The following SLCO1A2 variants were observed in gnomAD, a reference collection of about 807,000 sequenced individuals.
The protein encoded by SLCO1A2 is solute carrier organic anion transporter family member 1A2, also known as OATP-1.
SLCO1A2 carries 67 observed loss-of-function variants against 69.0 expected under a neutral mutation model. The ratio of observed to expected loss-of-function variants is 0.97; its 90% confidence interval spans 0.80 to 1.19. SLCO1A2 has a LOEUF of 1.19. Among genes scored for constraint, SLCO1A2 ranks in the 50% most tolerant of loss-of-function variants. The probability of loss-of-function intolerance (pLI) is 0.00; values close to 1 mark genes in which losing one functional copy is unlikely to be tolerated. For missense variants in SLCO1A2, 787 were observed against 793.7 expected (o/e 0.99, Z 0.10); for synonymous variants, 260 against 265.9 (o/e 0.98, Z 0.22).
At chr12:21,383,958 A>G (rs996976039) in intron 1 of SLCO1A2, among the ~76,000 whole-genome samples, 1 of 135,322 alleles carries the variant, frequency 7.4e-6, no homozygotes, top group Non-Finnish European at 1.6e-5. Flanking sequence ...TTTAATATAA[A>G]TTTATAATAC....
chr12:21,278,362 T>A (rs1211078114), intron 12 of SLCO1A2, among the ~76,000 whole-genome samples: 1 of 151,994 alleles, frequency 6.6e-6, no homozygotes, highest in African/African-American at 2.4e-5. Context: ...GGATTACCAC[T>A]GGATGATTGT....
chr12:21,393,524 GAC>G (rs1404461002), intron 1 of SLCO1A2, among the ~76,000 whole-genome samples: 2 of 152,132 alleles, frequency 1.3e-5, no homozygotes. Flanking sequence ...GCTGCTTAGA[GAC>G]CAGCCGGATT....
At chr12:21,357,727 GT>G (rs1938484843) in intron 2 of SLCO1A2, among the ~76,000 whole-genome samples, 1 of 138,930 alleles carries the variant, frequency 7.2e-6, no homozygotes, top group Non-Finnish European at 1.6e-5. Context: ...TATTTTTTTT[GT>G]TTTTATCTGG....
intron 5 of SLCO1A2, among the ~76,000 whole-genome samples, chr12:21,305,399 C>T (rs746502274): frequency 1.3e-5 from 2 of 152,200 alleles, no homozygotes; most frequent in Non-Finnish European, 2.9e-5. Flanking sequence ...TATAAATTTG[C>T]CAGGTGAGAC....
At chr12:21,418,653 T>G (rs1942027410), upstream of SLCO1A2, among the ~76,000 whole-genome samples, 1 of 152,186 alleles carries the variant, frequency 6.6e-6, no homozygotes, top group East Asian at 1.9e-4. Flanking sequence ...TGATGGAAAC[T>G]GCCCCGTGAT....
At chr12:21,358,152 T>G (rs1004002776) in intron 2 of SLCO1A2, among the ~76,000 whole-genome samples, 3 of 152,182 alleles carry the variant, frequency 2.0e-5, no homozygotes, top group African/African-American at 7.2e-5. Flanking sequence ...TGTGCTACAT[T>G]TTAAAGGATG....
rs1591760013 is a variant in SLCO1A2 at position 21,264,617 on chromosome 12, T to G, written c.*4931A>C. On this transcript the variant is annotated 3_prime_UTR_variant, in exon 15 of 15. Coordinates refer to ENST00000683939, the MANE Select transcript of SLCO1A2 (RefSeq NM_001386879.1). ...AGCCAATGTAAACATTGTTAAAAAA[T>G]TTATTTGCAATTTTTTTTGTTCATT... is the stretch of plus-strand genomic sequence containing the variant. 1 of 152,148 alleles carries G rather than the reference T, an allele frequency of 6.6e-6. No homozygotes were observed. Among genetic ancestry groups the G allele is most frequent in the Non-Finnish European group, 1.5e-5 (1 of 68,004 alleles). The allele number at this position is 152,148 out of a possible 1,614,324, so 9.4% of individuals were successfully genotyped here. A position where few individuals can be genotyped will look rare whatever the true frequency, so the allele number is the denominator to read the frequency against.
chr12:21,418,867 G>T (rs1942032319), upstream of SLCO1A2, among the ~76,000 whole-genome samples: 1 of 152,066 alleles, frequency 6.6e-6, no homozygotes, highest in Non-Finnish European at 1.5e-5. Context: ...TTTGGCTTAT[G>T]ATCTATTTTT....
Position 21,301,192 on chromosome 12 carries a change from C to A in SLCO1A2, c.667G>T (p.Asp223Tyr). Residue 223 changes from aspartate to tyrosine, a missense_variant, in exon 7 of 15, where the codon GAC becomes TAC. Transcript: ENST00000683939. Reference sequence around the variant, plus strand: ...TTACCTGTGTTCACAAATCCAGTGTCAACATAAACATTTGCACAGAATGAT... The same window carrying A: ...TTACCTGTGTTCACAAATCCAGTGTAAACATAAACATTTGCACAGAATGAT... ...LASFCANVYV[D>Y]TGFVNTDDLI... 1 of 1,611,106 alleles carries A rather than the reference C, an allele frequency of 6.2e-7. No homozygotes were observed. The highest frequency in any genetic ancestry group is 8.5e-7 in the Non-Finnish European group (1 of 1,178,174).
Position 21,295,828 on chromosome 12 carries a change from C to A in SLCO1A2, c.1076-36G>T, listed in dbSNP as rs186292806. 124 of 1,190,296 alleles carry A rather than the reference C, an allele frequency of 1.0e-4. No homozygotes were observed. In the African/African-American group the frequency reaches 1.9e-3, roughly 18 times the overall value. 73.7% of individuals were successfully genotyped at this position (1,190,296 alleles called of 1,614,324 possible). On this transcript the variant is annotated intron_variant, in intron 9 of 14. Transcript: ENST00000683939. ...AAATAAAATATTATTTACAAAATGACTTACCAAAGGAACAAATATGTTATC... is the reference window on the plus strand; with the variant it reads ...AAATAAAATATTATTTACAAAATGAATTACCAAAGGAACAAATATGTTATC...
At chr12:21,288,990 T>A (rs1016651229) in intron 12 of SLCO1A2, among the ~76,000 whole-genome samples, 5 of 151,892 alleles carry the variant, frequency 3.3e-5, no homozygotes, top group Non-Finnish European at 5.9e-5. Flanking sequence ...AAATACCATG[T>A]ACAATCACAT....
At chr12:21,418,725 G>C (rs1005291598), upstream of SLCO1A2, among the ~76,000 whole-genome samples, 7 of 152,066 alleles carry the variant, frequency 4.6e-5, no homozygotes, top group Non-Finnish European at 8.8e-5. Context: ...TACAACTCAA[G>C]ATGAGATTTG....
chr12:21,297,297 G>A (rs931417208), intron 9 of SLCO1A2, 107 bp downstream of exon 9: 1 of 611,972 alleles, frequency 1.6e-6, no homozygotes, highest in Non-Finnish European at 2.6e-6. Flanking sequence ...ATCCACCAGA[G>A]TCAAAAAATA....
intron 1 of SLCO1A2, among the ~76,000 whole-genome samples, chr12:21,377,698 G>A (rs769707475): frequency 6.6e-6 from 1 of 152,026 alleles, no homozygotes; most frequent in African/African-American, 2.4e-5. Flanking sequence ...TCAACCTAAT[G>A]TCCTCAAGGT....
intron 12 of SLCO1A2, among the ~76,000 whole-genome samples, chr12:21,286,656 A>G (rs1456882677): frequency 7.8e-6 from 1 of 128,894 alleles, no homozygotes; most frequent in African/African-American, 3.2e-5. Flanking sequence ...TGGTACCAAA[A>G]CAGAGATATA....
chr12:21,355,746 G>A (rs1938316344), intron 2 of SLCO1A2, among the ~76,000 whole-genome samples: 3 of 152,116 alleles, frequency 2.0e-5, no homozygotes, highest in Admixed American at 2.0e-4. Context: ...GTAACTGAGA[G>A]TTCTCAGAAA....
upstream of SLCO1A2, among the ~76,000 whole-genome samples, chr12:21,399,656 T>C (rs1168446636): frequency 8.2e-5 from 7 of 85,338 alleles, no homozygotes; most frequent in Non-Finnish European, 1.3e-4. Flanking sequence ...CAAAACAGCA[T>C]GGTACTGGTA....
At chr12:21,393,999 A>G (rs1196021023) in intron 1 of SLCO1A2, among the ~76,000 whole-genome samples, 1 of 152,222 alleles carries the variant, frequency 6.6e-6, no homozygotes, top group African/African-American at 2.4e-5. Context: ...AACAGAACTG[A>G]TAATAAACCT....
intron 13 of SLCO1A2, chr12:21,274,978 A>T: frequency 1.9e-6 from 2 of 1,027,918 alleles, no homozygotes; most frequent in Non-Finnish European, 2.3e-6. Flanking sequence ...AGTAAAAGAG[A>T]TTCTCTATCT....
Sources: gnomAD v4.1 joint callset for allele counts (sites outside exome capture counted in the v4.1 genomes callset) on GRCh38, gnomAD v4.1.1 for gene constraint, MANE v1.5 for transcripts, NCBI Gene and HGNC (gene_info 2026-07-23, HGNC 2026-07-21) for gene names.